TRRAP: variants seen among roughly 807,000 people sequenced by gnomAD.
TRRAP encodes transformation/transcription domain associated protein, also known as transformation/transcription domain-associated protein.
A neutral mutation model predicts 438.8 loss-of-function variants in TRRAP; 41 were observed. The ratio of observed to expected loss-of-function variants is 0.09; its 90% CI spans 0.07 to 0.12. The LOEUF is 0.12. TRRAP is among the 10% of genes least tolerant of loss of function. The pLI is 1.00. For synonymous variants in TRRAP, 1,994 were observed against 1,962.9 expected, an observed-to-expected ratio of 1.02 and a Z score of -0.42; for missense variants, 3,122 against 5,055.1, an observed-to-expected ratio of 0.62 and a Z score of 11.60.
intron 17 of TRRAP, 130 bp downstream of exon 17, chr7:98,911,401 A>T: frequency 1.1e-6 from 1 of 884,050 alleles, no homozygotes; most frequent in Non-Finnish European, 1.6e-6. Flanking sequence ...CAAAATTTAA[A>T]GAAATATTAG....
chr7:98,980,388 C>CAA (rs34300971), intron 58 of TRRAP, among the ~76,000 whole-genome samples: 45,563 of 151,952 alleles, frequency 0.3, 11,279 homozygotes, highest in African/African-American at 0.69. Context: ...TTTCTAATCA[C>CAA]AGAGATGTTT....
chr7:98,925,213 G>A lies in TRRAP; in HGVS notation c.2925G>A (p.Met975Ile). Reference sequence around the variant, plus strand: ...TCAAATGCTTCCTGGTGGCCATGATGAGCCTGGAGGACAACAAGCACGCAC... The same window carrying A: ...TCAAATGCTTCCTGGTGGCCATGATAAGCCTGGAGGACAACAAGCACGCAC... ...EVIKCFLVAM[M>I]SLEDNKHALY... The change falls in exon 22 of 73, where the codon ATG becomes ATA. Residue 975 changes from methionine to isoleucine, a missense_variant. Physicochemically the swap from Met to Ile is conservative, Grantham distance 10. Around this residue, in one of 24 missense-constraint regions of TRRAP, gnomAD observed 133 missense variants for 188.6 expected, o/e 0.71. Coordinates refer to ENST00000456197, the MANE Select transcript of TRRAP (RefSeq NM_001375524.1). 6.2e-7 allele frequency: 1 copy of A among 1,614,162 alleles called. No individual in the cohort carries two copies. The highest frequency in any genetic ancestry group is 8.5e-7 in the Non-Finnish European group (1 of 1,180,036).
intron 51 of TRRAP, 70 bp downstream of exon 51, chr7:98,967,768 A>C: frequency 7.1e-7 from 1 of 1,413,010 alleles, no homozygotes; most frequent in African/African-American, 1.4e-5. Context: ...CTCCAAAGCC[A>C]GGAGGTGTTC....
chr7:98,957,838 A>G, intron 43 of TRRAP, 143 bp from the exon 44 acceptor site: 2 of 711,738 alleles, frequency 2.8e-6, no homozygotes, highest in South Asian at 3.2e-5. Flanking sequence ...CACAGACCAC[A>G]TCTGTCTTTG....
chr7:98,906,067 T>A, intron 12 of TRRAP, 110 bp from the exon 13 acceptor site: 2 of 811,556 alleles, frequency 2.5e-6, no homozygotes, highest in Non-Finnish European at 3.8e-6. Flanking sequence ...TTTTCAGGTC[T>A]GGATTGCATA....
At chr7:98,996,850 TAGC>T (rs1178117448) in intron 67 of TRRAP, among the ~76,000 whole-genome samples, 3 of 152,328 alleles carry the variant, frequency 2.0e-5, no homozygotes, top group South Asian at 4.1e-4. Context: ...ACAGAATAAA[TAGC>T]AGCAACTCTG....
chr7:98,931,584 G>A lies in TRRAP; in HGVS notation c.3771G>A (p.Arg1257=). The change falls in exon 26 of 73, where the codon AGG becomes AGA. Residue 1257 remains arginine, a synonymous_variant. Transcript: ENST00000456197. ...REVTSPNSTV[R]KQAMHSLQVL... ...TCACCTCTCCAAACTCCACTGTGAG[G>A]AAGCAGGCCATGCATTCGCTGCAGG... 6.2e-7 allele frequency: 1 copy of A among 1,614,234 alleles called. No individual in the cohort carries two copies. Among genetic ancestry groups the A allele is most frequent in the African/African-American group, 1.3e-5 (1 of 75,066 alleles).
intron 67 of TRRAP, chr7:98,999,997 G>GTTTA (rs1259316129): frequency 5.8e-6 from 1 of 172,302 alleles, no homozygotes; most frequent in African/African-American, 2.8e-5. Context: ...CTGTATTTCA[G>GTTTA]TTTGTTTATT....
chr7:98,889,689 A>G (rs1278324854), intron 3 of TRRAP, among the ~76,000 whole-genome samples: 2 of 152,050 alleles, frequency 1.3e-5, no homozygotes, highest in Non-Finnish European at 2.9e-5. Flanking sequence ...CTAAGACCAC[A>G]GCATAGGCAC....
intron 3 of TRRAP, among the ~76,000 whole-genome samples, chr7:98,882,642 C>T (rs1302824515): frequency 6.6e-6 from 1 of 150,994 alleles, no homozygotes. Flanking sequence ...GCATTACAGG[C>T]GTGAGCCACC....
intron 39 of TRRAP, 85 bp downstream of exon 39, chr7:98,951,089 GTGTGT>G (rs1791317068): frequency 3.0e-6 from 4 of 1,322,434 alleles, no homozygotes; most frequent in African/African-American, 1.5e-5. Context: ...GTGTGTGTGT[GTGTGT>G]TAAGGGGGTT....
chr7:98,891,192 C>CATATATAT lies in TRRAP; in HGVS notation c.261+752_261+759dup, dbSNP rs782001504. On this transcript the variant is annotated intron_variant, in intron 4 of 72. Coordinates refer to ENST00000456197, the MANE Select transcript of TRRAP (RefSeq NM_001375524.1). ...CTACCTTGATCATTTAGAAATAGTC[C>CATATATAT]ATATATATATATTTTTTTTTTTTTT... is the stretch of plus-strand genomic sequence containing the variant. 3.3e-4 allele frequency among the ~76,000 whole-genome samples: 22 copies of CATATATAT among 66,886 alleles called. 1 individual carries two copies. The highest frequency in any genetic ancestry group is 1.4e-3 in the African/African-American group (21 of 15,448). 43.9% of individuals were successfully genotyped at this position (66,886 alleles called of 152,430 possible). A position where few individuals can be genotyped will look rare whatever the true frequency, so the allele number is the denominator to read the frequency against.
chr7:98,922,386 G>A (rs570061989), intron 21 of TRRAP, among the ~76,000 whole-genome samples: 1 of 152,104 alleles, frequency 6.6e-6, no homozygotes, highest in Non-Finnish European at 1.5e-5. Flanking sequence ...GTCTCTGTTA[G>A]GCCCTTTAGA....
At chr7:98,945,888 T>G in intron 32 of TRRAP, 42 bp from the exon 33 acceptor site, 1 of 1,564,730 alleles carries the variant, frequency 6.4e-7, no homozygotes, top group Non-Finnish European at 8.6e-7. Context: ...TTTTTACCTT[T>G]CTGTTGCCTT....
In TRRAP at chr7:98,976,719, G is replaced by T; in HGVS notation, c.8196G>T (p.Pro2732=). Residue 2732 remains proline, a synonymous_variant, in exon 55 of 73, where the codon CCG becomes CCT. Coordinates refer to ENST00000456197, the MANE Select transcript of TRRAP (RefSeq NM_001375524.1). The surrounding 1 kb of genome is among the most constrained non-coding windows in gnomAD (Gnocchi z 4.6). The part of the protein sequence containing the change: ...FEKGLSLQIK[P]KQTTEFYEQE... ...AGGGTCTGAGTCTTCAGATTAAGCC[G>T]AAGCAAACAACGGAGTTTTATGAGC... The T allele has an allele frequency of 6.2e-7, 1 of 1,614,018 alleles. No homozygotes were observed. The highest frequency in any genetic ancestry group is 8.5e-7 in the Non-Finnish European group (1 of 1,180,032).
chr7:98,895,913 G>A (rs139162716), intron 7 of TRRAP, 93 bp downstream of exon 7: 8 of 960,076 alleles, frequency 8.3e-6, no homozygotes, highest in Non-Finnish European at 1.1e-5. Flanking sequence ...GAAATAGTGT[G>A]TGGGGAGGGT....
chr7:98,941,256 A>C (rs566190384), intron 30 of TRRAP, among the ~76,000 whole-genome samples: 9 of 152,056 alleles, frequency 5.9e-5, no homozygotes, highest in South Asian at 4.2e-4. Context: ...GCTCACTGCA[A>C]CCTCCATCTC....
intron 3 of TRRAP, among the ~76,000 whole-genome samples, chr7:98,886,352 C>A (rs1046539534): frequency 6.7e-6 from 1 of 148,820 alleles, no homozygotes; most frequent in Non-Finnish European, 1.5e-5. Context: ...ATATAGATAT[C>A]TATATAGATA....
At chr7:99,004,895 C>T (rs1251433502) in intron 68 of TRRAP, among the ~76,000 whole-genome samples, 1 of 152,194 alleles carries the variant, frequency 6.6e-6, no homozygotes, top group East Asian at 1.9e-4. Context: ...AAATCTGGCT[C>T]CTGTCCTGGC....
Sources: allele counts gnomAD v4.1 joint callset (sites outside exome capture counted in the v4.1 genomes callset), GRCh38; gene constraint gnomAD v4.1.1; regional missense constraint gnomAD v4.1.1; non-coding constraint Gnocchi (gnomAD v3.1); transcripts MANE v1.5; gene names NCBI Gene and HGNC (gene_info 2026-07-23, HGNC 2026-07-21).